The following GPSM2 variants were observed in gnomAD, a reference collection of about 807,000 sequenced individuals.
The protein encoded by GPSM2 is G protein-signaling modulator 2.
GPSM2 carries 58 observed loss-of-function variants against 78.4 expected under a neutral mutation model. That is an observed-to-expected ratio of 0.74 (90% CI 0.60 to 0.92). The LOEUF (loss-of-function observed/expected upper bound fraction) is 0.92, where lower values mean the gene tolerates loss of function less well. GPSM2 is among the 40% of genes least tolerant of loss of function. The pLI, the probability that GPSM2 is intolerant of heterozygous loss-of-function variation, is 0.00. For synonymous variants in GPSM2, 224 were observed against 280.2 expected (o/e 0.80, Z 2.00); for missense variants, 700 against 815.5 (o/e 0.86, Z 1.73).
Position 108,885,491 on chromosome 1 carries a change from A to G in GPSM2, c.-32A>G. 8.1e-7 allele frequency: 1 copy of G among 1,239,674 alleles called. No individual in the cohort carries two copies. Among genetic ancestry groups the G allele is most frequent in the South Asian group, 1.2e-5 (1 of 82,074 alleles). 76.8% of individuals were successfully genotyped at this position (1,239,674 alleles called of 1,614,324 possible). ...GACTGGATTGGCACAAAATAAAATAATTTTATTTTATTCAGCTTATAATAT... is the reference window on the plus strand; with the variant it reads ...GACTGGATTGGCACAAAATAAAATAGTTTTATTTTATTCAGCTTATAATAT... On this transcript the variant is annotated 5_prime_UTR_variant, in exon 2 of 15. Transcript: ENST00000264126.
chr1:108,903,976 T>C, intron 9 of GPSM2, 149 bp from the exon 10 acceptor site: 2 of 614,230 alleles, frequency 3.3e-6, no homozygotes, highest in Non-Finnish European at 5.8e-6. Context: ...GGAAAAAAAT[T>C]TTCATTCATT....
intron 11 of GPSM2, among the ~76,000 whole-genome samples, chr1:108,916,790 A>T (rs1650266803): frequency 6.6e-6 from 1 of 152,212 alleles, no homozygotes; most frequent in South Asian, 2.1e-4. Context: ...TTTTCCTCAT[A>T]ATAAAGCTGT....
At chr1:108,902,979 A>G (rs1648930452) in intron 8 of GPSM2, 147 bp from the exon 9 acceptor site, 8 of 637,804 alleles carry the variant, frequency 1.3e-5, no homozygotes, top group South Asian at 7.0e-5. Flanking sequence ...TAGTATGTCT[A>G]TAATATCATG....
At chr1:108,927,310 A>G (rs916843865) in intron 14 of GPSM2, among the ~76,000 whole-genome samples, 26 of 152,214 alleles carry the variant, frequency 1.7e-4, no homozygotes, top group Non-Finnish European at 2.9e-5. Context: ...TAAAATTCAT[A>G]TAGAACCTCA....
rs987276335 is a variant in GPSM2, at chr1:108,930,178, CT to C, written c.*241del. 8.1e-5 allele frequency: 38 copies of C among 468,278 alleles called. No individual in the cohort carries two copies. Among genetic ancestry groups the C allele is most frequent in the African/African-American group, 6.8e-4 (35 of 51,174 alleles). 29.0% of individuals were successfully genotyped at this position (468,278 alleles called of 1,614,324 possible). A position where few individuals can be genotyped will look rare whatever the true frequency, so the allele number is the denominator to read the frequency against. On this transcript the variant is annotated 3_prime_UTR_variant, in exon 15 of 15. Transcript: ENST00000264126. ...CTGTGATTACTGCTTGGGATGTGTTCTTTGGCAGCTTGTGAGATTACTTTAC... is the reference window on the plus strand; with the variant it reads ...CTGTGATTACTGCTTGGGATGTGTTCTTGGCAGCTTGTGAGATTACTTTAC...
intron 10 of GPSM2, among the ~76,000 whole-genome samples, chr1:108,911,708 G>T (rs781089437): frequency 6.7e-6 from 1 of 148,714 alleles, no homozygotes; most frequent in African/African-American, 2.5e-5. Flanking sequence ...ATTGACCAAA[G>T]AAATAGGAAA....
intron 14 of GPSM2, among the ~76,000 whole-genome samples, chr1:108,928,363 A>T (rs1651318997): frequency 6.6e-6 from 1 of 152,246 alleles, no homozygotes; most frequent in Non-Finnish European, 1.5e-5. Flanking sequence ...TAAGTGAGGA[A>T]GTCTAGGAAC....
In GPSM2 at chr1:108,918,672, T is replaced by C; in HGVS notation, c.1323T>C (p.Ser441=). Residue 441 remains serine (S), a synonymous_variant, in exon 12 of 15, where the codon TCT becomes TCC. Transcript: ENST00000264126. ...AAAAACCTCTTATTGCCAAACCTTCTGCAAAGCTACTCTTTGTCAACAGAC... is the reference window on the plus strand; with the variant it reads ...AAAAACCTCTTATTGCCAAACCTTCCGCAAAGCTACTCTTTGTCAACAGAC... ...AKQKPLIAKP[S]AKLLFVNRLK... The C allele has an allele frequency of 6.2e-7, 1 of 1,613,434 alleles. No individual in the cohort carries two copies. Among genetic ancestry groups the C allele is most frequent in the Non-Finnish European group, 8.5e-7 (1 of 1,179,408 alleles).
chr1:108,914,481 A>G, intron 11 of GPSM2, 73 bp downstream of exon 11: 1 of 1,055,572 alleles, frequency 9.5e-7, no homozygotes, highest in Non-Finnish European at 1.4e-6. Flanking sequence ...AATTTAATGA[A>G]ATAATTTAAA....
Position 108,877,172 on chromosome 1 carries a change from C to G in GPSM2, c.-305C>G, listed in dbSNP as rs1665665390. 6.6e-6 allele frequency: 1 copy of G among 152,152 alleles called. No homozygotes were observed. The highest frequency in any genetic ancestry group is 1.5e-5 in the Non-Finnish European group (1 of 68,066). 9.4% of individuals were successfully genotyped at this position (152,152 alleles called of 1,614,324 possible). A position where few individuals can be genotyped will look rare whatever the true frequency, so the allele number is the denominator to read the frequency against. ...GGGCCGTGACCACCCGTCTGTCGCCCGAGGCGGCCGCCGCTGCACCTTCAC... is the reference window on the plus strand; with the variant it reads ...GGGCCGTGACCACCCGTCTGTCGCCGGAGGCGGCCGCCGCTGCACCTTCAC... On this transcript the variant is annotated 5_prime_UTR_variant, in exon 1 of 15. Coordinates refer to ENST00000264126, the MANE Select transcript of GPSM2 (RefSeq NM_013296.5).
chr1:108,913,600 A>G (rs1649944378), intron 10 of GPSM2, among the ~76,000 whole-genome samples: 1 of 152,240 alleles, frequency 6.6e-6, no homozygotes, highest in Admixed American at 6.5e-5. Context: ...CACATGCTGT[A>G]TTGCTAAGAA....
At chr1:108,897,170 A>T in intron 3 of GPSM2, 85 bp downstream of exon 3, 1 of 992,954 alleles carries the variant, frequency 1.0e-6, no homozygotes, top group Non-Finnish European at 1.6e-6. Context: ...AACAAAAACT[A>T]ACTTAATACA....
Position 108,880,579 on chromosome 1 carries a change from C to CAAAA in GPSM2, c.-249+3362_-249+3365dup, listed in dbSNP as rs56323759. On this transcript the variant is annotated intron_variant, in intron 1 of 14. Transcript: ENST00000264126. Reference sequence around the variant, plus strand: ...TGGGCGACAGAGTGAGACTCCGTCTCAAAAAAAAAAAAAACAATGCTTAGT... The same window carrying CAAAA: ...TGGGCGACAGAGTGAGACTCCGTCTCAAAAAAAAAAAAAAAAAACAATGCTTAGT... Among the ~76,000 whole-genome samples the CAAAA allele has an allele frequency of 1.0e-2, 1,199 of 119,954 alleles. 20 individuals carry two copies. Among genetic ancestry groups the CAAAA allele is most frequent in the African/African-American group, 0.035 (1,110 of 31,372 alleles). The allele number at this position is 119,954 out of a possible 152,430, so 78.7% of individuals were successfully genotyped here. A position where few individuals can be genotyped will look rare whatever the true frequency, so the allele number is the denominator to read the frequency against.
At chr1:108,889,514 G>A (rs897136561) in intron 2 of GPSM2, among the ~76,000 whole-genome samples, 14 of 152,132 alleles carry the variant, frequency 9.2e-5, no homozygotes, top group African/African-American at 3.4e-4. Flanking sequence ...AAGAACATAA[G>A]GTACATTGAT....
intron 2 of GPSM2, among the ~76,000 whole-genome samples, chr1:108,891,754 C>T (rs75089406): frequency 1.5e-4 from 23 of 151,662 alleles, no homozygotes; most frequent in Admixed American, 7.2e-4. Flanking sequence ...ATCCACCCCC[C>T]CTTAGCCTCC....
intron 2 of GPSM2, among the ~76,000 whole-genome samples, chr1:108,894,085 T>G (rs1029344657): frequency 2.0e-5 from 3 of 152,176 alleles, no homozygotes; most frequent in African/African-American, 7.2e-5. Flanking sequence ...TTTGTTGATT[T>G]ATTTATCTTT....
intron 12 of GPSM2, among the ~76,000 whole-genome samples, chr1:108,922,054 C>G (rs984549473): frequency 1.9e-4 from 24 of 127,802 alleles, no homozygotes; most frequent in Admixed American, 1.5e-3. Context: ...CACTTGTTTT[C>G]TTTCTTAGCT....
rs1324288114 is a variant in GPSM2 at position 108,931,048 on chromosome 1, T to C, written c.*1108T>C. ...GCCTGGGTGACAGAGCAAGACCCTG[T>C]CTCTAGAAAACAAGTATCTTTTGTG... On this transcript the variant is annotated 3_prime_UTR_variant, in exon 15 of 15. Coordinates refer to ENST00000264126, the MANE Select transcript of GPSM2 (RefSeq NM_013296.5). The C allele has an allele frequency of 2.1e-5, 5 of 240,798 alleles. No individual in the cohort carries two copies. The highest frequency in any genetic ancestry group is 1.6e-4 in the Admixed American group (3 of 19,286). The allele number at this position is 240,798 out of a possible 1,614,324, so 14.9% of individuals were successfully genotyped here.
chr1:108,913,645 C>T (rs1342148939), intron 10 of GPSM2, among the ~76,000 whole-genome samples: 1 of 152,038 alleles, frequency 6.6e-6, no homozygotes, highest in East Asian at 1.9e-4. Flanking sequence ...CATAAAAGCG[C>T]AGGGAAGACA....
Sources: allele counts gnomAD v4.1 joint callset (sites outside exome capture counted in the v4.1 genomes callset), GRCh38; gene constraint gnomAD v4.1.1; transcripts MANE v1.5; gene names NCBI Gene and HGNC (gene_info 2026-07-23, HGNC 2026-07-21).